Variants in FBXL18 observed in about 807,000 individuals in gnomAD.
FBXL18 encodes F-box/LRR-repeat protein 18.
Under a neutral mutation model 46.0 loss-of-function variants are expected in FBXL18, and 36 were observed. The ratio of observed to expected loss-of-function variants is 0.78; its 90% CI spans 0.60 to 1.03. The LOEUF (loss-of-function observed/expected upper bound fraction) is 1.03, where lower values mean the gene tolerates loss of function less well. Among genes scored for constraint, FBXL18 ranks in the 50% least tolerant of loss-of-function variants. The pLI is 0.00. For missense variants in FBXL18, 977 were observed against 1,004.1 expected, an observed-to-expected ratio of 0.97 and a Z score of 0.36; for synonymous variants, 557 against 465.3, an observed-to-expected ratio of 1.20 and a Z score of -2.54.
Position 5,500,690 on chromosome 7 carries a change from T to C in FBXL18, c.1579A>G (p.Ile527Val), listed in dbSNP as rs1784214502. ...QSVGDSEVAA[I>V]GQLAFLRHLT... ...TGCCGCAGGAAGGCCAGCTGGCCGA[T>C]GGCGGCCACCTCCGAGTCCCCGACA... The change falls in exon 3 of 5, where the codon ATC (isoleucine) becomes GTC (valine). Residue 527 changes from isoleucine (I) to valine (V), a missense_variant. Ile to Val is a conservative substitution (Grantham distance 29). Coordinates refer to ENST00000382368, the MANE Select transcript of FBXL18 (RefSeq NM_024963.6). The C allele has an allele frequency of 5.0e-6, 8 of 1,610,662 alleles. No homozygotes were observed. Among genetic ancestry groups the C allele is most frequent in the Non-Finnish European group, 5.9e-6 (7 of 1,179,030 alleles).
intron 2 of FBXL18, among the ~76,000 whole-genome samples, chr7:5,503,231 T>C (rs746210260): frequency 2.9e-4 from 44 of 152,140 alleles, no homozygotes; most frequent in Non-Finnish European, 5.4e-4. Flanking sequence ...AAAGAAAAAA[T>C]ATATTAGCCA....
At chr7:5,490,885 G>C (rs1783903662) in intron 4 of FBXL18, among the ~76,000 whole-genome samples, 1 of 152,238 alleles carries the variant, frequency 6.6e-6, no homozygotes, top group Non-Finnish European at 1.5e-5. Flanking sequence ...CTTGAACCCG[G>C]AAGGCGAAGG....
intron 1 of FBXL18, among the ~76,000 whole-genome samples, chr7:5,507,607 G>A (rs1584244509): frequency 6.6e-6 from 1 of 151,664 alleles, no homozygotes; most frequent in African/African-American, 2.4e-5. Flanking sequence ...AGGCCGAGGC[G>A]GGGAAATCAC....
chr7:5,508,372 G>A (rs1258179591), intron 1 of FBXL18, among the ~76,000 whole-genome samples: 1 of 151,734 alleles, frequency 6.6e-6, no homozygotes, highest in Admixed American at 6.6e-5. Flanking sequence ...GAACCCAGGA[G>A]GCAGAGGTTG....
Position 5,469,135 on chromosome 7 carries a change from G to C in FBXL18, c.2001-21292C>G, listed in dbSNP as rs186209020. On this transcript the variant is annotated intron_variant and NMD_transcript_variant, in intron 4 of 6. Coordinates refer to the FBXL18 transcript ENST00000415009. ...TGTGTGTAAGAATGAGTTATGAGTGGACTCTGTGGCTCACGCCTGTAATCC... is the reference window on the plus strand; with the variant it reads ...TGTGTGTAAGAATGAGTTATGAGTGCACTCTGTGGCTCACGCCTGTAATCC... Among the ~76,000 whole-genome samples the C allele has an allele frequency of 4.3e-3, 653 of 152,280 alleles. 4 individuals are homozygous for C. The highest frequency in any genetic ancestry group is 0.015 in the African/African-American group (619 of 41,564).
At chr7:5,466,673 G>A (rs1783345429) in intron 4 of FBXL18, among the ~76,000 whole-genome samples, 1 of 152,192 alleles carries the variant, frequency 6.6e-6, no homozygotes, top group African/African-American at 2.4e-5. Context: ...TCTGGGGACT[G>A]GGGCATGGAC....
intron 4 of FBXL18, among the ~76,000 whole-genome samples, chr7:5,470,559 G>A (rs902354378): frequency 3.3e-5 from 5 of 152,168 alleles, no homozygotes; most frequent in African/African-American, 1.2e-4. Flanking sequence ...ACCATTCCCG[G>A]CTCCTGAGTG....
rs1422588611 is a variant in FBXL18, at chr7:5,508,220, C to G, written c.19-2590G>C. ...TGTGGAGGTTGCAGTGAGCTGAGATCGCGCCACTGCACTCCAGCCTGGTGA... is the reference window on the plus strand; with the variant it reads ...TGTGGAGGTTGCAGTGAGCTGAGATGGCGCCACTGCACTCCAGCCTGGTGA... On this transcript the variant is annotated intron_variant, in intron 1 of 4. Transcript: ENST00000382368. 4.6e-5 allele frequency among the ~76,000 whole-genome samples: 7 copies of G among 150,980 alleles called. No individual in the cohort carries two copies. The East Asian group carries it at 5.8e-4, about 13-fold the overall frequency.
chr7:5,483,336 G>C (rs915277719), intron 4 of FBXL18, among the ~76,000 whole-genome samples: 1 of 151,742 alleles, frequency 6.6e-6, no homozygotes, highest in African/African-American at 2.4e-5. Flanking sequence ...AGCTACTCAG[G>C]AGGCTGAGGC....
intron 4 of FBXL18, among the ~76,000 whole-genome samples, chr7:5,488,705 AGCCGCAAGC>A (rs1783837949): frequency 6.6e-6 from 1 of 152,236 alleles, no homozygotes; most frequent in Non-Finnish European, 1.5e-5. Context: ...AGTGGAGCCC[AGCCGCAAGC>A]GCAAGCGTAT....
intron 4 of FBXL18, among the ~76,000 whole-genome samples, chr7:5,469,710 G>T (rs1431985669): frequency 6.6e-6 from 1 of 152,192 alleles, no homozygotes; most frequent in South Asian, 2.1e-4. Context: ...GGGTGTCCGT[G>T]TAAGTAGAGT....
At chr7:5,498,663 G>A (rs543939629) in intron 3 of FBXL18, among the ~76,000 whole-genome samples, 24 of 152,056 alleles carry the variant, frequency 1.6e-4, no homozygotes, top group South Asian at 4.2e-4. Context: ...TCTGCCTCCC[G>A]GGTAAAGAGC....
intron 4 of FBXL18, among the ~76,000 whole-genome samples, chr7:5,463,372 C>A (rs577175812): frequency 2.6e-5 from 4 of 151,954 alleles, no homozygotes; most frequent in African/African-American, 4.8e-5. Context: ...GTAATTCCAG[C>A]GCCTTGGGAG....
At chr7:5,510,714 A>C (rs922036502) in intron 1 of FBXL18, among the ~76,000 whole-genome samples, 2 of 151,196 alleles carry the variant, frequency 1.3e-5, no homozygotes, top group Admixed American at 1.3e-4. Flanking sequence ...AATCTAGGTA[A>C]CTGGCTGGAG....
chr7:5,482,122 G>C (rs1006958300), intron 4 of FBXL18, among the ~76,000 whole-genome samples, 191 bp from the exon 5 acceptor site: 1 of 152,220 alleles, frequency 6.6e-6, no homozygotes, highest in East Asian at 1.9e-4. Context: ...GACAGAGCTG[G>C]GGAGGAGCAC....
chr7:5,455,462 T>G lies in FBXL18; in HGVS notation c.2001-7619A>C, dbSNP rs1366847192. 1.3e-5 allele frequency among the ~76,000 whole-genome samples: 2 copies of G among 152,080 alleles called. No homozygotes were observed. The highest frequency in any genetic ancestry group is 4.8e-5 in the African/African-American group (2 of 41,418). On this transcript the variant is annotated intron_variant and NMD_transcript_variant, in intron 4 of 6. Transcript: ENST00000415009. The surrounding 1 kb of genome is among the most constrained non-coding windows in gnomAD (Gnocchi z 4.6). ...GGAGCACTCTCGTGGGAGCACTACCTTAGTCTCCTTGCTCGCCACTGGCTT... is the reference window on the plus strand; with the variant it reads ...GGAGCACTCTCGTGGGAGCACTACCGTAGTCTCCTTGCTCGCCACTGGCTT...
rs561600590 is a variant in FBXL18, at chr7:5,462,908, G to T, written c.2001-15065C>A. On this transcript the variant is annotated intron_variant and NMD_transcript_variant, in intron 4 of 6. Transcript: ENST00000415009. ...GGAGCTTGCAGTGAGCCAAGATCGC[G>T]CCACTGCACTCCAGCCTGGGCGACA... 4.3e-3 allele frequency among the ~76,000 whole-genome samples: 575 copies of T among 132,402 alleles called. 1 individual carries two copies. Among genetic ancestry groups the T allele is most frequent in the African/African-American group, 0.016 (557 of 35,460 alleles). The allele number at this position is 132,402 out of a possible 152,430, so 86.9% of individuals were successfully genotyped here.
At chr7:5,495,757 TG>T in intron 3 of FBXL18, 1 of 470,648 alleles carries the variant, frequency 2.1e-6, no homozygotes, top group Non-Finnish European at 4.4e-6. Context: ...GAGTGCCACC[TG>T]CTCCTTCCAC....
chr7:5,463,717 T>TA (rs1419053864), intron 4 of FBXL18, among the ~76,000 whole-genome samples: 45 of 71,716 alleles, frequency 6.3e-4, no homozygotes, highest in African/African-American at 4.9e-4. Context: ...TATTTATTTA[T>TA]TTATTTATTT....
Sources: gnomAD v4.1 joint callset for allele counts (sites outside exome capture counted in the v4.1 genomes callset) on GRCh38, gnomAD v4.1.1 for gene constraint, Gnocchi (gnomAD v3.1) non-coding constraint, MANE v1.5 for transcripts, NCBI Gene and HGNC (gene_info 2026-07-23, HGNC 2026-07-21) for gene names.